TSHZ3: variants seen among roughly 807,000 people sequenced by gnomAD.
The protein encoded by TSHZ3 is teashirt homolog 3.
TSHZ3 carries 10 observed loss-of-function variants against 64.5 expected under a neutral mutation model. That is an observed-to-expected ratio of 0.16 (90% CI 0.10 to 0.26). The LOEUF (loss-of-function observed/expected upper bound fraction) is 0.26, where lower values mean the gene tolerates loss of function less well. Among genes scored for constraint, TSHZ3 ranks in the 10% least tolerant of loss-of-function variants. The probability of loss-of-function intolerance (pLI) is 1.00; values close to 1 mark genes in which losing one functional copy is unlikely to be tolerated. For synonymous variants in TSHZ3, 608 were observed against 593.1 expected (o/e 1.03, Z -0.36); for missense variants, 1,242 against 1,421.7 (o/e 0.87, Z 2.03).
At chr19:31,313,875 G>A (rs1245481950) in intron 1 of TSHZ3, among the ~76,000 whole-genome samples, 2 of 152,168 alleles carry the variant, frequency 1.3e-5, no homozygotes, top group Non-Finnish European at 2.9e-5. Flanking sequence ...CCTGCATCCT[G>A]GCACCGACAC....
chr19:31,314,975 C>G (rs562801341), intron 1 of TSHZ3, among the ~76,000 whole-genome samples: 3 of 152,282 alleles, frequency 2.0e-5, no homozygotes, highest in East Asian at 3.9e-4. Flanking sequence ...TCTACAGATG[C>G]GTGCTGGACA....
At chr19:31,196,146 C>T (rs780787429) in intron 5 of TSHZ3, among the ~76,000 whole-genome samples, 17 of 151,490 alleles carry the variant, frequency 1.1e-4, no homozygotes, top group East Asian at 3.9e-4. Context: ...ACATAAGGGA[C>T]GGGAAGGAAG....
chr19:31,317,309 C>T (rs1308068147), intron 1 of TSHZ3, among the ~76,000 whole-genome samples: 2 of 152,182 alleles, frequency 1.3e-5, no homozygotes, highest in East Asian at 1.9e-4. Flanking sequence ...CTGTTCCAGC[C>T]GAGCCATGCC....
At chr19:31,245,287 T>C (rs2145187214) in intron 1 of TSHZ3, among the ~76,000 whole-genome samples, 1 of 152,194 alleles carries the variant, frequency 6.6e-6, no homozygotes, top group Admixed American at 6.5e-5. Flanking sequence ...GAAAAACTTG[T>C]CTCACCCTTC....
At chr19:31,341,670 C>CAG (rs1917443919) in intron 1 of TSHZ3, among the ~76,000 whole-genome samples, 1 of 142,758 alleles carries the variant, frequency 7.0e-6, no homozygotes, top group Non-Finnish European at 1.5e-5. Flanking sequence ...CACACACACA[C>CAG]AGCACTTCCC....
chr19:31,335,526 C>T (rs1001474239), intron 1 of TSHZ3, among the ~76,000 whole-genome samples: 4 of 152,220 alleles, frequency 2.6e-5, no homozygotes, highest in African/African-American at 4.8e-5. Flanking sequence ...CTGGAAAATA[C>T]TGACCTTAAG....
chr19:31,348,839 G>A, intron 1 of TSHZ3: 1 of 282,894 alleles, frequency 3.5e-6, no homozygotes, highest in Non-Finnish European at 6.6e-6. Context: ...GGGGAACTCA[G>A]GTGACCCCGC....
rs758721263 is a variant in TSHZ3, at chr19:31,277,091, T to C, written c.2702A>G (p.Gln901Arg). 6.9e-6 allele frequency: 11 copies of C among 1,605,322 alleles called. No individual in the cohort carries two copies. Among genetic ancestry groups the C allele is most frequent in the East Asian group, 4.5e-5 (2 of 44,748 alleles). The part of the protein sequence containing the change: ...RKGRQSNWNP[Q>R]HLLILQAQFA... ...CTGGGCCTGGAGGATCAGGAGGTGC[T>C]GGGGGTTCCAGTTTGACTGGCGGCC... is the stretch of plus-strand genomic sequence containing the variant. The change falls in exon 2 of 2, where the codon CAG becomes CGG. Residue 901 changes from glutamine to arginine, a missense_variant. Around this residue, in one of 4 missense-constraint regions of TSHZ3, gnomAD observed 550 missense variants for 545.1 expected, o/e 1.01. Transcript: ENST00000240587. The surrounding 1 kb of genome is among the most constrained non-coding windows in gnomAD (Gnocchi z 4.5).
chr19:31,254,852 G>A (rs1031754821), intron 1 of TSHZ3, among the ~76,000 whole-genome samples: 2 of 151,954 alleles, frequency 1.3e-5, no homozygotes, highest in Admixed American at 1.3e-4. Context: ...CCCTGATGCT[G>A]ATGGACAAGG....
In TSHZ3 at chr19:31,349,280, AG is replaced by A; in HGVS notation, c.-62del. The A allele has an allele frequency of 1.5e-6, 2 of 1,328,022 alleles. No individual in the cohort carries two copies. The highest frequency in any genetic ancestry group is 1.9e-6 in the Non-Finnish European group (2 of 1,046,084). 82.3% of individuals were successfully genotyped at this position (1,328,022 alleles called of 1,614,324 possible). ...CGCCGCTGCCGGGCTGAGGACAGGG[AG>A]GGAGGGGGCGGCGGGCCCGCGGGGG... On this transcript the variant is annotated 5_prime_UTR_variant, in exon 1 of 2. Coordinates refer to ENST00000240587, the MANE Select transcript of TSHZ3 (RefSeq NM_020856.4).
At chr19:31,234,197 A>G (rs1975577673) in intron 3 of TSHZ3, among the ~76,000 whole-genome samples, 1 of 152,196 alleles carries the variant, frequency 6.6e-6, no homozygotes, top group African/African-American at 2.4e-5. Flanking sequence ...GTTCATAATA[A>G]TTAACTTCAT....
intron 5 of TSHZ3, among the ~76,000 whole-genome samples, chr19:31,182,334 A>G (rs1358220657): frequency 6.6e-6 from 1 of 152,230 alleles, no homozygotes; most frequent in African/African-American, 2.4e-5. Flanking sequence ...CTCTTGTTCC[A>G]GGGAGAAATG....
chr19:31,280,390 G>GGTA (rs1014831652), intron 1 of TSHZ3, among the ~76,000 whole-genome samples: 8 of 151,608 alleles, frequency 5.3e-5, no homozygotes, highest in Non-Finnish European at 1.2e-4. Flanking sequence ...AAAGCTTAGA[G>GGTA]GTAGGTTTCC....
At chr19:31,260,689 A>G (rs908151225) in intron 1 of TSHZ3, among the ~76,000 whole-genome samples, 5 of 152,180 alleles carry the variant, frequency 3.3e-5, no homozygotes, top group Non-Finnish European at 7.3e-5. Context: ...AGTGCAGTCA[A>G]TTTGTTTATT....
intron 5 of TSHZ3, among the ~76,000 whole-genome samples, chr19:31,184,319 C>G (rs958714388): frequency 1.3e-5 from 2 of 152,106 alleles, no homozygotes; most frequent in South Asian, 2.1e-4. Flanking sequence ...ACAAAAACTG[C>G]GAGATTAAAT....
intron 1 of TSHZ3, among the ~76,000 whole-genome samples, chr19:31,328,102 A>G (rs1166501792): frequency 6.6e-6 from 1 of 152,272 alleles, no homozygotes; most frequent in Non-Finnish European, 1.5e-5. Context: ...TGGGCAAAAC[A>G]TCAAGAATAA....
At chr19:31,235,481 C>T (rs938919520) in intron 3 of TSHZ3, among the ~76,000 whole-genome samples, 3 of 152,018 alleles carry the variant, frequency 2.0e-5, no homozygotes, top group African/African-American at 7.2e-5. Context: ...TATCACTTAA[C>T]ATAATGTGCT....
chr19:31,333,558 G>A (rs962500406), intron 1 of TSHZ3, among the ~76,000 whole-genome samples: 3 of 152,094 alleles, frequency 2.0e-5, no homozygotes, highest in Admixed American at 2.0e-4. Context: ...TCTCCAGGCA[G>A]ATCCACTTTA....
intron 1 of TSHZ3, among the ~76,000 whole-genome samples, chr19:31,282,872 A>C (rs902963932): frequency 6.6e-6 from 1 of 152,126 alleles, no homozygotes; most frequent in Non-Finnish European, 1.5e-5. Flanking sequence ...CCCACTCCTG[A>C]CCATGTCATG....
Sources: gnomAD v4.1 joint callset for allele counts (sites outside exome capture counted in the v4.1 genomes callset) on GRCh38, gnomAD v4.1.1 for gene constraint, gnomAD v4.1.1 regional missense constraint, Gnocchi (gnomAD v3.1) non-coding constraint, MANE v1.5 for transcripts, NCBI Gene and HGNC (gene_info 2026-07-23, HGNC 2026-07-21) for gene names.